NSUN3: variants seen among roughly 807,000 people sequenced by gnomAD.
The protein encoded by NSUN3 is tRNA (cytosine(34)-C(5))-methyltransferase, mitochondrial.
Under a neutral mutation model 36.8 loss-of-function variants are expected in NSUN3, and 24 were observed. The observed-to-expected ratio is 0.65, with a 90% confidence interval of 0.47 to 0.92. The LOEUF (loss-of-function observed/expected upper bound fraction) is 0.92, where lower values mean the gene tolerates loss of function less well. Among genes scored for constraint, NSUN3 ranks in the 40% least tolerant of loss-of-function variants. The pLI, the probability that NSUN3 is intolerant of heterozygous loss-of-function variation, is 0.00. For synonymous variants in NSUN3, 146 were observed against 145.2 expected (o/e 1.01, Z -0.04); for missense variants, 381 against 392.8 (o/e 0.97, Z 0.25).
chr3:94,115,744 T>C (rs1019417710), intron 5 of NSUN3, among the ~76,000 whole-genome samples: 1 of 152,200 alleles, frequency 6.6e-6, no homozygotes. Flanking sequence ...AATACAGTGA[T>C]CTAATTAACA....
Position 94,088,572 on chromosome 3 carries a change from G to A in NSUN3, c.466+4122G>A, listed in dbSNP as rs1576088036. Among the ~76,000 whole-genome samples, 3 of 151,826 alleles carry A rather than the reference G, an allele frequency of 2.0e-5. No individual in the cohort carries two copies. The South Asian group carries it at 6.2e-4, about 32-fold the overall frequency. Reference sequence around the variant, plus strand: ...GATCTGAACTCAAGTTTTCATTGTTGTAGTTGTGCTATTGACTATTCTAGG... The same window carrying A: ...GATCTGAACTCAAGTTTTCATTGTTATAGTTGTGCTATTGACTATTCTAGG... On this transcript the variant is annotated intron_variant, in intron 3 of 5. Transcript: ENST00000314622.
intron 5 of NSUN3, among the ~76,000 whole-genome samples, chr3:94,101,214 A>T (rs1055409487): frequency 2.6e-5 from 4 of 152,044 alleles, no homozygotes; most frequent in African/African-American, 9.7e-5. Flanking sequence ...GCTGGTCTCG[A>T]ACTCCTGGCT....
At chr3:94,070,398 C>T (rs1338301712) in intron 2 of NSUN3, among the ~76,000 whole-genome samples, 4 of 152,064 alleles carry the variant, frequency 2.6e-5, no homozygotes, top group African/African-American at 9.7e-5. Context: ...GAGGTCGAGG[C>T]TTCACTGAGC....
intron 5 of NSUN3, among the ~76,000 whole-genome samples, chr3:94,121,583 G>A (rs984481537): frequency 6.6e-6 from 1 of 152,170 alleles, no homozygotes; most frequent in African/African-American, 2.4e-5. Flanking sequence ...CATCTAGATA[G>A]GAGCCTTTTT....
intron 5 of NSUN3, among the ~76,000 whole-genome samples, chr3:94,101,968 GC>G (rs1256308402): frequency 6.6e-6 from 1 of 152,100 alleles, no homozygotes; most frequent in Admixed American, 6.5e-5. Flanking sequence ...GTAACTTATT[GC>G]AGTAATGTAT....
chr3:94,063,322 C>T (rs1357383918), intron 1 of NSUN3, 184 bp downstream of exon 1: 2 of 645,446 alleles, frequency 3.1e-6, no homozygotes, highest in Non-Finnish European at 5.5e-6. Context: ...ATGCTGAGTC[C>T]CTTCCGTCCA....
At chr3:94,080,708 G>T (rs1343335496) in intron 2 of NSUN3, among the ~76,000 whole-genome samples, 1 of 152,206 alleles carries the variant, frequency 6.6e-6, no homozygotes, top group Non-Finnish European at 1.5e-5. Context: ...CACTGTGAGG[G>T]TAAAACCACC....
At chr3:94,119,787 A>G (rs1047206708) in intron 5 of NSUN3, among the ~76,000 whole-genome samples, 1 of 152,246 alleles carries the variant, frequency 6.6e-6, no homozygotes, top group Admixed American at 6.5e-5. Context: ...TATTTAAACA[A>G]CATGCAGCAG....
chr3:94,113,244 C>T (rs1183091417), intron 5 of NSUN3, among the ~76,000 whole-genome samples: 2 of 152,064 alleles, frequency 1.3e-5, no homozygotes, highest in Non-Finnish European at 2.9e-5. Flanking sequence ...ATAGCCCTTA[C>T]GTAATGAATG....
At chr3:94,120,912 C>G (rs2077458582) in intron 5 of NSUN3, among the ~76,000 whole-genome samples, 1 of 152,098 alleles carries the variant, frequency 6.6e-6, no homozygotes, top group African/African-American at 2.4e-5. Flanking sequence ...AGTCTTATAC[C>G]TATTGCTATA....
chr3:94,122,747 C>T (rs1013511472), intron 5 of NSUN3, among the ~76,000 whole-genome samples: 1 of 152,046 alleles, frequency 6.6e-6, no homozygotes, highest in South Asian at 2.1e-4. Context: ...AACACTTACA[C>T]GCCCACCCTG....
intron 5 of NSUN3, among the ~76,000 whole-genome samples, chr3:94,124,775 C>G (rs933865443): frequency 6.6e-6 from 1 of 152,120 alleles, no homozygotes; most frequent in African/African-American, 2.4e-5. Flanking sequence ...TTGTTATATT[C>G]TATGTCCCCC....
intron 2 of NSUN3, among the ~76,000 whole-genome samples, chr3:94,083,814 C>G (rs2077281134): frequency 6.6e-6 from 1 of 152,108 alleles, no homozygotes. Flanking sequence ...TCTTCAGACT[C>G]TATTCTCTTG....
chr3:94,102,568 T>A (rs1437267314), intron 5 of NSUN3, among the ~76,000 whole-genome samples: 2 of 152,206 alleles, frequency 1.3e-5, no homozygotes, highest in Non-Finnish European at 2.9e-5. Flanking sequence ...TTCTTTCTCC[T>A]CTGTATTCTT....
At chr3:94,076,094 G>A (rs1049984358) in intron 2 of NSUN3, 23 of 1,512,986 alleles carry the variant, frequency 1.5e-5, no homozygotes, top group Non-Finnish European at 2.0e-5. Flanking sequence ...CAACAACTCT[G>A]GTGACCCGTC....
At chr3:94,085,128 G>T (rs1257043769) in intron 3 of NSUN3, 1 of 152,160 alleles carries the variant, frequency 6.6e-6, no homozygotes, top group African/African-American at 2.4e-5. Flanking sequence ...AGCCACATGT[G>T]AGAAGAGGGT....
chr3:94,105,161 G>A (rs1301240032), intron 5 of NSUN3, among the ~76,000 whole-genome samples: 1 of 152,192 alleles, frequency 6.6e-6, no homozygotes, highest in Non-Finnish European at 1.5e-5. Context: ...GGGAAAAGGT[G>A]CGTCTTTGTC....
chr3:94,095,695 C>T (rs1306815415), intron 5 of NSUN3, among the ~76,000 whole-genome samples: 1 of 152,080 alleles, frequency 6.6e-6, no homozygotes, highest in Non-Finnish European at 1.5e-5. Flanking sequence ...TTGACATATG[C>T]CCTACTCCCA....
At chr3:94,072,675 G>A (rs1433186685) in intron 2 of NSUN3, among the ~76,000 whole-genome samples, 1 of 152,072 alleles carries the variant, frequency 6.6e-6, no homozygotes, top group South Asian at 2.1e-4. Context: ...GTTCAGTAGG[G>A]TTGGGTGTAG....
Sources: allele counts gnomAD v4.1 joint callset (sites outside exome capture counted in the v4.1 genomes callset), GRCh38; gene constraint gnomAD v4.1.1; transcripts MANE v1.5; gene names NCBI Gene and HGNC (gene_info 2026-07-23, HGNC 2026-07-21).